The following LRRC7 variants were observed in gnomAD, a reference collection of about 807,000 sequenced individuals.
LRRC7 encodes leucine rich repeat containing 7.
A neutral mutation model predicts 175.7 loss-of-function variants in LRRC7; 23 were observed. That is an observed-to-expected ratio of 0.13 (90% CI 0.09 to 0.19). LRRC7 has a LOEUF of 0.19. Ranked by LOEUF, LRRC7 falls within the 10% of genes least tolerant of loss-of-function variation. The pLI is 1.00. For missense variants in LRRC7, 1,354 were observed against 1,904.7 expected, an observed-to-expected ratio of 0.71 and a Z score of 5.38; for synonymous variants, 685 against 680.9, an observed-to-expected ratio of 1.01 and a Z score of -0.09.
intron 7 of LRRC7, among the ~76,000 whole-genome samples, chr1:69,916,387 T>C (rs938089455): frequency 2.7e-5 from 4 of 148,772 alleles, no homozygotes; most frequent in Admixed American, 1.4e-4. Context: ...ATATTTCTTT[T>C]ATCATTTGAA....
At chr1:69,873,063 T>C (rs979274166) in intron 7 of LRRC7, among the ~76,000 whole-genome samples, 2 of 152,130 alleles carry the variant, frequency 1.3e-5, no homozygotes, top group African/African-American at 2.4e-5. Context: ...CCTTAAACAG[T>C]ATGCGTTAAT....
intron 7 of LRRC7, among the ~76,000 whole-genome samples, chr1:69,902,849 A>G (rs963063858): frequency 6.6e-6 from 1 of 152,208 alleles, no homozygotes; most frequent in Non-Finnish European, 1.5e-5. Context: ...TTATGTAACT[A>G]TAATTACCCA....
At chr1:69,901,404 T>C (rs12075846) in intron 7 of LRRC7, among the ~76,000 whole-genome samples, 12,871 of 152,158 alleles carry the variant, frequency 0.085, 673 homozygotes, top group African/African-American at 0.15. Flanking sequence ...AAATAGCAAA[T>C]AGAGAAGAGG....
chr1:69,992,624 A>G (rs1557965580), intron 10 of LRRC7, among the ~76,000 whole-genome samples: 1 of 152,198 alleles, frequency 6.6e-6, no homozygotes, highest in Non-Finnish European at 1.5e-5. Flanking sequence ...TGGATGGAAT[A>G]TGAGTGTTGG....
chr1:69,985,077 C>T (rs1028782440), intron 9 of LRRC7, among the ~76,000 whole-genome samples: 1 of 152,172 alleles, frequency 6.6e-6, no homozygotes, highest in African/African-American at 2.4e-5. Context: ...TGCAGCCCTT[C>T]CCTGTTCTGT....
At chr1:69,775,420 AGAAGT>A (rs1191929350) in intron 3 of LRRC7, among the ~76,000 whole-genome samples, 2 of 152,232 alleles carry the variant, frequency 1.3e-5, no homozygotes, top group Non-Finnish European at 2.9e-5. Flanking sequence ...ATTTCATTCT[AGAAGT>A]GAGTCCAAAT....
chr1:69,854,358 C>T (rs1030033104), intron 7 of LRRC7, among the ~76,000 whole-genome samples: 34 of 152,102 alleles, frequency 2.2e-4, no homozygotes, highest in South Asian at 4.2e-4. Context: ...TAAAAATTAG[C>T]CAAGCCTTGT....
intron 1 of LRRC7, among the ~76,000 whole-genome samples, chr1:69,586,781 T>C (rs1646420231): frequency 6.6e-6 from 1 of 152,196 alleles, no homozygotes; most frequent in Non-Finnish European, 1.5e-5. Context: ...TTTAAGGCTG[T>C]AATATTTGCG....
chr1:69,878,493 C>T (rs561369062), intron 7 of LRRC7, among the ~76,000 whole-genome samples: 2 of 152,188 alleles, frequency 1.3e-5, no homozygotes, highest in South Asian at 2.1e-4. Context: ...GATGAAGAAA[C>T]AGACTTAGGT....
intron 7 of LRRC7, among the ~76,000 whole-genome samples, chr1:69,864,358 T>C (rs1259240250): frequency 1.3e-5 from 2 of 152,082 alleles, no homozygotes; most frequent in African/African-American, 2.4e-5. Flanking sequence ...GATGAATAGA[T>C]GGATGGAGGA....
Position 70,121,896 on chromosome 1 carries a change from T to G in LRRC7, c.*9T>G. ...GTGAGCTTACTGTCTAAATATTTTT[T>G]ATAAATAGTGAAGATACGTCTAGCC... is the stretch of plus-strand genomic sequence containing the variant. On this transcript the variant is annotated 3_prime_UTR_variant, in exon 27 of 27. Transcript: ENST00000651989. 6.4e-7 allele frequency: 1 copy of G among 1,558,230 alleles called. No homozygotes were observed. The highest frequency in any genetic ancestry group is 1.4e-5 in the African/African-American group (1 of 73,708).
intron 1 of LRRC7, among the ~76,000 whole-genome samples, chr1:69,638,697 T>G (rs1397538069): frequency 1.3e-5 from 2 of 151,806 alleles, no homozygotes; most frequent in Non-Finnish European, 2.9e-5. Context: ...TGAAATTATT[T>G]TTGTTTTTTG....
At chr1:70,056,908 A>G (rs1385205197) in intron 23 of LRRC7, among the ~76,000 whole-genome samples, 1 of 152,196 alleles carries the variant, frequency 6.6e-6, no homozygotes, top group Non-Finnish European at 1.5e-5. Context: ...ATGCACAGAA[A>G]CGTCAAGCAA....
At chr1:69,916,537 A>G (rs2101721413) in intron 7 of LRRC7, among the ~76,000 whole-genome samples, 1 of 151,934 alleles carries the variant, frequency 6.6e-6, no homozygotes, top group East Asian at 1.9e-4. Flanking sequence ...TCATTATAGT[A>G]TTCATTAAAA....
At chr1:69,925,544 G>A (rs936694136) in intron 7 of LRRC7, among the ~76,000 whole-genome samples, 16 of 151,986 alleles carry the variant, frequency 1.1e-4, no homozygotes, top group South Asian at 1.0e-3. Context: ...TGTATGTGTC[G>A]AGGAATTTCT....
At chr1:69,911,031 G>GT (rs1160100664) in intron 7 of LRRC7, among the ~76,000 whole-genome samples, 1 of 152,176 alleles carries the variant, frequency 6.6e-6, no homozygotes, top group Non-Finnish European at 1.5e-5. Context: ...CTGGTGTGCC[G>GT]TTTTTTAAGC....
chr1:69,645,204 A>T (rs533360355), intron 1 of LRRC7, among the ~76,000 whole-genome samples: 14 of 152,166 alleles, frequency 9.2e-5, no homozygotes, highest in Admixed American at 9.2e-4. Flanking sequence ...TTTATACAAA[A>T]CCCAAAGGAA....
intron 9 of LRRC7, among the ~76,000 whole-genome samples, chr1:69,981,862 A>G (rs779212994): frequency 6.6e-6 from 1 of 152,244 alleles, no homozygotes; most frequent in Non-Finnish European, 1.5e-5. Context: ...ATGTTGATTC[A>G]TTGAATCCCT....
In LRRC7 at chr1:69,589,000, T is replaced by TGG. The variant is rs1338858247; in HGVS notation, c.2+20360_2+20361insGG. 2.2e-4 allele frequency among the ~76,000 whole-genome samples: 33 copies of TGG among 151,374 alleles called. 1 individual carries two copies. The highest frequency in any genetic ancestry group is 1.3e-3 in the South Asian group (6 of 4,780). On this transcript the variant is annotated intron_variant, in intron 1 of 26. Coordinates refer to ENST00000651989, the MANE Select transcript of LRRC7 (RefSeq NM_001370785.2). ...CTGCTGGGGTCTGTGTGTGTGTGTG[T>TGG]GTGTGTGTGCGTGCATGTGATGTAA... is the stretch of plus-strand genomic sequence containing the variant.
Sources: gnomAD v4.1 joint callset for allele counts (sites outside exome capture counted in the v4.1 genomes callset) on GRCh38, gnomAD v4.1.1 for gene constraint, MANE v1.5 for transcripts, NCBI Gene and HGNC (gene_info 2026-07-23, HGNC 2026-07-21) for gene names.